Variants in ZNF850 observed in about 807,000 individuals in gnomAD.
ZNF850 encodes putative zinc finger protein ENSP00000330994.
Under a neutral mutation model 11.9 loss-of-function variants are expected in ZNF850, and 2 were observed. The observed-to-expected ratio is 0.17, with a 90% confidence interval of 0.07 to 0.53. The LOEUF (loss-of-function observed/expected upper bound fraction) is 0.53, where lower values mean the gene tolerates loss of function less well. Among genes scored for constraint, ZNF850 ranks in the 20% least tolerant of loss-of-function variants. The pLI is 0.94. For missense variants in ZNF850, 1,014 were observed against 1,316.4 expected, an observed-to-expected ratio of 0.77 and a Z score of 3.55; for synonymous variants, 381 against 443.0, an observed-to-expected ratio of 0.86 and a Z score of 1.76.
At chr19:36,751,065 T>TAAAAAAAAAAAAAAA (rs34721047) in intron 4 of ZNF850, among the ~76,000 whole-genome samples, 1 of 89,434 alleles carries the variant, frequency 1.1e-5, no homozygotes, top group Non-Finnish European at 2.1e-5. Context: ...GACCCTGTCT[T>TAAAAAAAAAAAAAAA]AAAAAAAAAA....
In ZNF850 at chr19:36,748,076, T is replaced by C. The variant is rs971795264; in HGVS notation, c.2964A>G (p.Lys988=). 7 of 1,559,282 alleles carry C rather than the reference T, an allele frequency of 4.5e-6. No individual in the cohort carries two copies. Among genetic ancestry groups the C allele is most frequent in the Non-Finnish European group, 6.1e-6 (7 of 1,155,534 alleles). ...TTAGTTCTGAGCCGCAAGTAAAAGATTTCCCACATTCTTTACATTCATAAG... is the reference window on the plus strand; with the variant it reads ...TTAGTTCTGAGCCGCAAGTAAAAGACTTCCCACATTCTTTACATTCATAAG... ...DRPYECKECG[K]SFTCGSELIR... Residue 988 remains lysine, a synonymous_variant, in exon 5 of 5, where the codon AAA becomes AAG. Transcript: ENST00000591344.
Position 36,749,087 on chromosome 19 carries a change from C to T in ZNF850, c.1953G>A (p.Gly651=), listed in dbSNP as rs1000479759. The T allele has an allele frequency of 1.2e-6, 2 of 1,601,576 alleles. No homozygotes were observed. Among genetic ancestry groups the T allele is most frequent in the Admixed American group, 1.7e-5 (1 of 58,244 alleles). ...GEKPYQCQEC[G]KAFVSVSGLT... is the part of the protein sequence containing the mutation. ...GTCCTGAGACACTGACAAAGGCTTTCCCACATTCCTGACATTGATAAGGTT... is the reference window on the plus strand; with the variant it reads ...GTCCTGAGACACTGACAAAGGCTTTTCCACATTCCTGACATTGATAAGGTT... Residue 651 remains glycine (G), a synonymous_variant, in exon 5 of 5, where the codon GGG becomes GGA. Transcript: ENST00000591344.
intron 4 of ZNF850, among the ~76,000 whole-genome samples, chr19:36,758,524 G>GGCAT (rs994466849): frequency 1.3e-5 from 2 of 152,020 alleles, no homozygotes; most frequent in African/African-American, 4.8e-5. Flanking sequence ...TGGGATTACA[G>GGCAT]GCATGCAGCA....
chr19:36,763,647 G>A (rs1312718963), intron 1 of ZNF850, among the ~76,000 whole-genome samples: 1 of 152,130 alleles, frequency 6.6e-6, no homozygotes, highest in East Asian at 1.9e-4. Flanking sequence ...AATGTACATT[G>A]GCTGGGTGTG....
At chr19:36,764,176 T>G (rs1468988689) in intron 1 of ZNF850, among the ~76,000 whole-genome samples, 1 of 152,080 alleles carries the variant, frequency 6.6e-6, no homozygotes, top group Admixed American at 6.6e-5. Flanking sequence ...ACCCAGAAGG[T>G]GGAGGTTGCA....
chr19:36,749,622 C>A lies in ZNF850; in HGVS notation c.1418G>T (p.Gly473Val). ...ALLQHQRIHTGEKPYCCKECG... is the reference protein window; with the variant it reads ...ALLQHQRIHTVEKPYCCKECG... The stretch of plus-strand genomic sequence containing the variant: ...TTCCTTACAACAATAGGGTTTCTCA[C>A]CAGTGTGAATCCGCTGATGTTGAAG... Residue 473 changes from glycine to valine, a missense_variant, in exon 5 of 5, where the codon GGT becomes GTT. Physicochemically the swap from Gly to Val is moderately radical, Grantham distance 109 (BLOSUM62 -3). Coordinates refer to ENST00000591344, the MANE Select transcript of ZNF850 (RefSeq NM_001193552.2). 6.4e-7 allele frequency: 1 copy of A among 1,552,568 alleles called. No homozygotes were observed.
chr19:36,770,445 T>C (rs1568321358), intron 1 of ZNF850, among the ~76,000 whole-genome samples: 1 of 151,908 alleles, frequency 6.6e-6, no homozygotes, highest in East Asian at 1.9e-4. Context: ...ACGCCGGTAA[T>C]CCCAACACTT....
At chr19:36,766,090 C>A (rs945733100) in intron 1 of ZNF850, among the ~76,000 whole-genome samples, 2 of 151,680 alleles carry the variant, frequency 1.3e-5, no homozygotes, top group African/African-American at 4.8e-5. Flanking sequence ...CCGGGTTTCA[C>A]CATGTTGGCC....
intron 4 of ZNF850, among the ~76,000 whole-genome samples, chr19:36,755,561 T>A (rs11882111): frequency 1.3e-5 from 2 of 151,912 alleles, no homozygotes; most frequent in Non-Finnish European, 2.9e-5. Context: ...ATAAAAATTG[T>A]ATCATGGGCC....
Sources: allele counts gnomAD v4.1 joint callset (sites outside exome capture counted in the v4.1 genomes callset), GRCh38; gene constraint gnomAD v4.1.1; transcripts MANE v1.5; gene names NCBI Gene and HGNC (gene_info 2026-07-23, HGNC 2026-07-21).